CCDC171: variants seen among roughly 807,000 people sequenced by gnomAD.
CCDC171 encodes coiled-coil domain-containing protein 171.
Under a neutral mutation model 168.2 loss-of-function variants are expected in CCDC171, and 177 were observed. The ratio of observed to expected loss-of-function variants is 1.05; its 90% confidence interval spans 0.93 to 1.19. The LOEUF (loss-of-function observed/expected upper bound fraction) is 1.19, where lower values mean the gene tolerates loss of function less well. CCDC171 is among the 50% of genes most tolerant of loss of function. CCDC171 has a pLI of 0.00. For synonymous variants in CCDC171, 687 were observed against 540.8 expected (o/e 1.27, Z -3.75); for missense variants, 1,991 against 1,539.0 (o/e 1.29, Z -4.91).
At chr9:15,627,324 C>G (rs564879176) in intron 7 of CCDC171, among the ~76,000 whole-genome samples, 1 of 151,652 alleles carries the variant, frequency 6.6e-6, no homozygotes, top group Admixed American at 6.6e-5. Context: ...TCTTTCAGTT[C>G]TGCTCTGTTC....
chr9:15,591,403 T>C lies in CCDC171; in HGVS notation c.390T>C (p.Thr130=), dbSNP rs139287491. ...NSELQAKTNE[T]EKAFQTSQQK... ...AACTTCAAGCAAAGACAAATGAGAC[T>C]GAGAAAGCATTTCAGACTTCTCAGC... Residue 130 remains threonine (T), a synonymous_variant, in exon 5 of 26, where the codon ACT becomes ACC. Coordinates refer to ENST00000380701, the MANE Select transcript of CCDC171 (RefSeq NM_173550.4). 8 of 1,607,220 alleles carry C rather than the reference T, an allele frequency of 5.0e-6. No homozygotes were observed. The highest frequency in any genetic ancestry group is 1.7e-4 in the Middle Eastern group (1 of 6,042).
chr9:15,784,721 A>T (rs942434619), intron 21 of CCDC171, 27 bp downstream of exon 21: 2 of 1,547,882 alleles, frequency 1.3e-6, no homozygotes. Context: ...ATATTTGCAT[A>T]AAGGGATATT....
At chr9:16,077,067 G>A in the CCDC171 span, among the ~76,000 whole-genome samples, 2 of 152,186 alleles carry the variant, frequency 1.3e-5, no homozygotes, top group South Asian at 4.1e-4. Context: ...GAGGAAAAAA[G>A]CAAATAGTGC....
rs143680477 is a variant in CCDC171 at position 15,571,710 on chromosome 9, A to G, written c.128A>G (p.His43Arg). 8 of 1,590,648 alleles carry G rather than the reference A, an allele frequency of 5.0e-6. No homozygotes were observed. In the South Asian group the frequency reaches 5.9e-5, roughly 12 times the overall value. ...DITDNLRKKL[H>R]WAKKEKLEIT... Reference sequence around the variant, plus strand: ...ACTGATAATCTCAGGAAGAAACTCCATTGGGCTAAAAAAGAAAAGTTAGAA... The same window carrying G: ...ACTGATAATCTCAGGAAGAAACTCCGTTGGGCTAAAAAAGAAAAGTTAGAA... Residue 43 changes from histidine to arginine, a missense_variant, in exon 3 of 26, where the codon CAT (histidine) becomes CGT (arginine). By Grantham distance (29) the His-to-Arg change is conservative (BLOSUM62 0). Transcript: ENST00000380701.
intron 6 of CCDC171, among the ~76,000 whole-genome samples, chr9:15,606,413 A>G (rs1008893587): frequency 1.3e-5 from 2 of 152,218 alleles, no homozygotes; most frequent in Non-Finnish European, 2.9e-5. Context: ...CAATTATGAT[A>G]AATGTTATAC....
chr9:16,053,762 C>A (rs1331017182), intron 1 of CCDC171, among the ~76,000 whole-genome samples: 1 of 152,238 alleles, frequency 6.6e-6, no homozygotes. Context: ...GTCTCCCTCA[C>A]TGGGGCTGCA....
chr9:15,861,792 G>C (rs1563890556), intron 23 of CCDC171, among the ~76,000 whole-genome samples: 1 of 151,972 alleles, frequency 6.6e-6, no homozygotes, highest in African/African-American at 2.4e-5. Context: ...ACCACCATTA[G>C]AGTAATAAAG....
downstream of CCDC171, among the ~76,000 whole-genome samples, chr9:16,063,254 C>A (rs1408834811): frequency 1.3e-5 from 2 of 152,088 alleles, no homozygotes; most frequent in East Asian, 1.9e-4. Context: ...ACAGGGACTC[C>A]AGATGCCCCA....
chr9:16,054,678 A>G (rs1356582442), intron 1 of CCDC171, among the ~76,000 whole-genome samples: 1 of 152,232 alleles, frequency 6.6e-6, no homozygotes, highest in Non-Finnish European at 1.5e-5. Flanking sequence ...GTAAAAAGCC[A>G]TTTAAACATT....
chr9:15,930,308 A>G (rs1826358773), intron 25 of CCDC171, among the ~76,000 whole-genome samples: 1 of 151,648 alleles, frequency 6.6e-6, no homozygotes, highest in Admixed American at 6.6e-5. Flanking sequence ...CTTAATGAAA[A>G]TGAGTAGAAT....
At chr9:16,004,845 T>C (rs1265309218) in intron 3 of CCDC171, among the ~76,000 whole-genome samples, 2 of 151,780 alleles carry the variant, frequency 1.3e-5, no homozygotes, top group Non-Finnish European at 2.9e-5. Flanking sequence ...CAGGAAGTGG[T>C]AGATCTCATT....
rs890654218 is a variant in CCDC171 at position 15,908,400 on chromosome 9, C to G, written c.3601-11870C>G. ...AACCATCATTCTCAGCCAACTATCACAAGGAGAAAAAACAAAACACTGCAT... is the reference window on the plus strand; with the variant it reads ...AACCATCATTCTCAGCCAACTATCAGAAGGAGAAAAAACAAAACACTGCAT... On this transcript the variant is annotated intron_variant, in intron 24 of 25. Coordinates refer to ENST00000380701, the MANE Select transcript of CCDC171 (RefSeq NM_173550.4). Among the ~76,000 whole-genome samples, 22 of 150,934 alleles carry G rather than the reference C, an allele frequency of 1.5e-4. 1 individual carries two copies. The South Asian group carries it at 1.5e-3, about 10-fold the overall frequency.
Position 15,591,507 on chromosome 9 carries a change from A to T in CCDC171, c.494A>T (p.Glu165Val). 1 of 1,601,678 alleles carries T rather than the reference A, an allele frequency of 6.2e-7. No homozygotes were observed. Residue 165 changes from glutamate (E) to valine (V), a missense_variant, in exon 5 of 26, where the codon GAA becomes GTA. Physicochemically the swap from Glu to Val is moderately radical, Grantham distance 121. Coordinates refer to ENST00000380701, the MANE Select transcript of CCDC171 (RefSeq NM_173550.4). Reference sequence around the variant, plus strand: ...AATATGATCCAAAATTGCAATCGAGAATATGATTTACTTATGAAAGAAAAA... The same window carrying T: ...AATATGATCCAAAATTGCAATCGAGTATATGATTTACTTATGAAAGAAAAA... Reference protein sequence around the residue: ...RDNMIQNCNREYDLLMKEKSR... With the variant: ...RDNMIQNCNRVYDLLMKEKSR...
intron 21 of CCDC171, among the ~76,000 whole-genome samples, chr9:15,831,957 G>A (rs899559952): frequency 1.3e-5 from 2 of 151,884 alleles, no homozygotes; most frequent in Non-Finnish European, 2.9e-5. Flanking sequence ...GAGTATTTTG[G>A]TTTTGATTTC....
intron 6 of CCDC171, among the ~76,000 whole-genome samples, chr9:15,607,316 C>T (rs536633376): frequency 1.2e-3 from 184 of 152,244 alleles, no homozygotes; most frequent in African/African-American, 2.2e-3. Context: ...ACAACTTCAG[C>T]CCCAAAAGAA....
intron 2 of CCDC171, among the ~76,000 whole-genome samples, chr9:15,564,464 C>T (rs898370167): frequency 2.0e-5 from 3 of 152,180 alleles, no homozygotes; most frequent in African/African-American, 7.2e-5. Flanking sequence ...TTTCTTTAAC[C>T]TCTGTGGCTT....
chr9:15,932,325 CAT>C (rs1387683814), intron 25 of CCDC171, among the ~76,000 whole-genome samples: 1 of 151,786 alleles, frequency 6.6e-6, no homozygotes, highest in Non-Finnish European at 1.5e-5. Context: ...AGATTTTTCA[CAT>C]CTTTGGTTAC....
chr9:16,094,254 G>A, the CCDC171 span, among the ~76,000 whole-genome samples: 1 of 152,168 alleles, frequency 6.6e-6, no homozygotes, highest in Non-Finnish European at 1.5e-5. Context: ...CCATTAGGAG[G>A]TGCCTATGTG....
chr9:15,565,723 A>C (rs78105175), intron 2 of CCDC171, among the ~76,000 whole-genome samples: 2,233 of 152,268 alleles, frequency 0.015, 26 homozygotes, highest in South Asian at 0.032. Flanking sequence ...ATTGTATTCC[A>C]TTGTATGGAT....
Sources: allele counts gnomAD v4.1 joint callset (sites outside exome capture counted in the v4.1 genomes callset), GRCh38; gene constraint gnomAD v4.1.1; transcripts MANE v1.5; gene names NCBI Gene and HGNC (gene_info 2026-07-23, HGNC 2026-07-21).